Variants in ST3GAL5 observed in about 807,000 individuals in gnomAD.
ST3GAL5 encodes the protein ST3 beta-galactoside alpha-2,3-sialyltransferase 5, also known as lactosylceramide alpha-2,3-sialyltransferase.
Under a neutral mutation model 46.1 loss-of-function variants are expected in ST3GAL5, and 25 were observed. That is an observed-to-expected ratio of 0.54 (90% CI 0.40 to 0.76). ST3GAL5 has a LOEUF of 0.76. ST3GAL5 is among the 30% of genes least tolerant of loss of function. The pLI, the probability that ST3GAL5 is intolerant of heterozygous loss-of-function variation, is 0.00. For synonymous variants in ST3GAL5, 182 were observed against 192.7 expected (o/e 0.94, Z 0.46); for missense variants, 431 against 521.2 (o/e 0.83, Z 1.69).
intron 1 of ST3GAL5, among the ~76,000 whole-genome samples, chr2:85,884,240 T>C (rs1240362241): frequency 6.6e-6 from 1 of 152,110 alleles, no homozygotes; most frequent in East Asian, 1.9e-4. Context: ...ATAAAGTGAG[T>C]AGGAAAGCAC....
chr2:85,861,219 T>C lies in ST3GAL5; in HGVS notation c.280A>G (p.Met94Val), dbSNP rs777637963. 2 of 1,613,276 alleles carry C rather than the reference T, an allele frequency of 1.2e-6. No individual in the cohort carries two copies. Among genetic ancestry groups the C allele is most frequent in the South Asian group, 1.1e-5 (1 of 91,068 alleles). The change falls in exon 3 of 7, where the codon ATG becomes GTG. Residue 94 changes from methionine to valine, a missense_variant. Coordinates refer to ENST00000638572, the MANE Select transcript of ST3GAL5 (RefSeq NM_003896.4). ...GGGTCCACATAATGCATTTTTTTCATGTCACATTCTTCAGTAGTATAATTT... is the reference window on the plus strand; with the variant it reads ...GGGTCCACATAATGCATTTTTTTCACGTCACATTCTTCAGTAGTATAATTT... Reference protein sequence around the residue: ...KLNYTTEECDMKKMHYVDPDH... With the variant: ...KLNYTTEECDVKKMHYVDPDH...
chr2:85,851,318 C>T, intron 3 of ST3GAL5: 1 of 1,164,412 alleles, frequency 8.6e-7, no homozygotes, highest in Non-Finnish European at 1.1e-6. Context: ...GTAGTAAATC[C>T]TGAGTGAGTT....
chr2:85,839,489 A>C lies in ST3GAL5; in HGVS notation c.*655T>G, dbSNP rs1681753249. 1 of 154,276 alleles carries C rather than the reference A, an allele frequency of 6.5e-6. No individual in the cohort carries two copies. Among genetic ancestry groups the C allele is most frequent in the Non-Finnish European group, 1.4e-5 (1 of 69,414 alleles). The allele number at this position is 154,276 out of a possible 1,614,324, so 9.6% of individuals were successfully genotyped here. ...GGGAAGACTGTGGTTTCTGTAGCCC[A>C]GGGTGGCTTCACAGTTGTCAGAGGT... is the stretch of plus-strand genomic sequence containing the variant. On this transcript the variant is annotated 3_prime_UTR_variant, in exon 7 of 7. Coordinates refer to ENST00000638572, the MANE Select transcript of ST3GAL5 (RefSeq NM_003896.4).
intron 3 of ST3GAL5, chr2:85,848,539 C>G (rs1683103942): frequency 6.9e-6 from 4 of 578,068 alleles, no homozygotes. Flanking sequence ...CTTCATGTTT[C>G]ATAAAATTCT....
Position 85,852,756 on chromosome 2 carries a change from T to A in ST3GAL5, c.319-4552A>T, listed in dbSNP as rs908365081. 1.3e-5 allele frequency: 8 copies of A among 621,314 alleles called. No individual in the cohort carries two copies. In the Admixed American group the frequency reaches 1.4e-4, roughly 11 times the overall value. 38.5% of individuals were successfully genotyped at this position (621,314 alleles called of 1,614,324 possible). ...TCCCATCAACTGTTAGAAAAAAAAATAATCAGGAGATCTGGAGGCTGGACT... is the reference window on the plus strand; with the variant it reads ...TCCCATCAACTGTTAGAAAAAAAAAAAATCAGGAGATCTGGAGGCTGGACT... On this transcript the variant is annotated intron_variant, in intron 3 of 6. Transcript: ENST00000638572.
Position 85,880,782 on chromosome 2 carries a change from C to T in ST3GAL5, c.82+8042G>A, listed in dbSNP as rs1162535212. 1.5e-5 allele frequency: 7 copies of T among 468,574 alleles called. No homozygotes were observed. The East Asian group carries it at 3.9e-4, about 26-fold the overall frequency. The allele number at this position is 468,574 out of a possible 1,614,324, so 29.0% of individuals were successfully genotyped here. On this transcript the variant is annotated intron_variant, in intron 1 of 6. Coordinates refer to ENST00000638572, the MANE Select transcript of ST3GAL5 (RefSeq NM_003896.4). ...GAGGTTGCAGTGAGCCAAGATGGTGCCACTGCACTCCAGCCTGGGTGACAG... is the reference window on the plus strand; with the variant it reads ...GAGGTTGCAGTGAGCCAAGATGGTGTCACTGCACTCCAGCCTGGGTGACAG...
chr2:85,870,891 C>T (rs1259875193), intron 1 of ST3GAL5, among the ~76,000 whole-genome samples: 1 of 152,064 alleles, frequency 6.6e-6, no homozygotes, highest in Non-Finnish European at 1.5e-5. Context: ...TCTCAAACTC[C>T]TGACCTCAGG....
intron 1 of ST3GAL5, among the ~76,000 whole-genome samples, chr2:85,886,335 T>G (rs1277375453): frequency 1.3e-5 from 2 of 152,120 alleles, no homozygotes; most frequent in Non-Finnish European, 2.9e-5. Flanking sequence ...CTGAGGAGGC[T>G]AAGGCAGGAG....
chr2:85,858,688 C>T (rs4832210), intron 3 of ST3GAL5, among the ~76,000 whole-genome samples: 84,150 of 151,978 alleles, frequency 0.55, 23,777 homozygotes, highest in East Asian at 0.68. Context: ...TGCCTGGGAC[C>T]GTCAAACCTT....
intron 1 of ST3GAL5, among the ~76,000 whole-genome samples, chr2:85,886,068 G>A (rs1687721739): frequency 6.6e-6 from 1 of 152,186 alleles, no homozygotes; most frequent in African/African-American, 2.4e-5. Flanking sequence ...CAATGAGAGT[G>A]AACATGCTTC....
chr2:85,853,191 A>G (rs533417751), intron 3 of ST3GAL5: 2 of 748,202 alleles, frequency 2.7e-6, no homozygotes, highest in Admixed American at 2.7e-5. Context: ...CTCTTAAAAC[A>G]TCTTTTGAGT....
At chr2:85,856,623 G>T (rs1454849815) in intron 3 of ST3GAL5, among the ~76,000 whole-genome samples, 2 of 151,770 alleles carry the variant, frequency 1.3e-5, no homozygotes, top group African/African-American at 4.8e-5. Context: ...GGGCTGGAGT[G>T]CAGTGGCATG....
At chr2:85,850,258 T>A (rs1427314025) in intron 3 of ST3GAL5, 2 of 152,244 alleles carry the variant, frequency 1.3e-5, no homozygotes. Flanking sequence ...CAGTTCACCC[T>A]CACGACACTA....
At chr2:85,879,229 A>C (rs1030134997) in intron 1 of ST3GAL5, among the ~76,000 whole-genome samples, 2 of 152,140 alleles carry the variant, frequency 1.3e-5, no homozygotes, top group Non-Finnish European at 2.9e-5. Flanking sequence ...AAGGTGGCCA[A>C]CCAAGAGATG....
At chr2:85,860,128 C>T (rs141655121) in intron 3 of ST3GAL5, among the ~76,000 whole-genome samples, 2 of 152,352 alleles carry the variant, frequency 1.3e-5, no homozygotes, top group Non-Finnish European at 2.9e-5. Flanking sequence ...GTAGCACCTA[C>T]ATCCCCAGGA....
At chr2:85,875,693 A>T (rs1381957519) in intron 1 of ST3GAL5, 1 of 152,178 alleles carries the variant, frequency 6.6e-6, no homozygotes, top group Non-Finnish European at 1.5e-5. Flanking sequence ...AGAGTGGGGG[A>T]ACACTGGGGC....
At chr2:85,885,769 G>C (rs564972595) in intron 1 of ST3GAL5, among the ~76,000 whole-genome samples, 2 of 150,442 alleles carry the variant, frequency 1.3e-5, no homozygotes, top group South Asian at 4.2e-4. Flanking sequence ...AGCCTGCAGT[G>C]AACTGAGATC....
At chr2:85,878,095 G>A (rs1169724335) in intron 1 of ST3GAL5, among the ~76,000 whole-genome samples, 1 of 152,156 alleles carries the variant, frequency 6.6e-6, no homozygotes, top group African/African-American at 2.4e-5. Context: ...AACGCTGCAC[G>A]GCTCAGCTTG....
rs557815113 is a variant in ST3GAL5 at position 85,861,397 on chromosome 2, A to G, written c.207-105T>C. 1.3e-4 allele frequency: 100 copies of G among 763,296 alleles called. 1 individual carries two copies. In the African/African-American group the frequency reaches 1.6e-3, roughly 12 times the overall value. The allele number at this position is 763,296 out of a possible 1,614,324, so 47.3% of individuals were successfully genotyped here. A position where few individuals can be genotyped will look rare whatever the true frequency, so the allele number is the denominator to read the frequency against. On this transcript the variant is annotated intron_variant, in intron 2 of 6. Coordinates refer to ENST00000638572, the MANE Select transcript of ST3GAL5 (RefSeq NM_003896.4). ...TAAATGAGTCTGCCTGCTATGCAGC[A>G]TAAAACTACAATCTTTAAGTTGACA...
Sources: allele counts gnomAD v4.1 joint callset (sites outside exome capture counted in the v4.1 genomes callset), GRCh38; gene constraint gnomAD v4.1.1; transcripts MANE v1.5; gene names NCBI Gene and HGNC (gene_info 2026-07-23, HGNC 2026-07-21).